NCKAP5: variants seen among roughly 807,000 people sequenced by gnomAD.
The protein encoded by NCKAP5 is NCK associated protein 5, also known as nck-associated protein 5.
In NCKAP5, 92 loss-of-function variants were observed where a neutral mutation model predicts 167.0. The observed-to-expected ratio is 0.55, with a 90% CI of 0.47 to 0.66. NCKAP5 has a LOEUF of 0.66. NCKAP5 is among the 30% of genes least tolerant of loss of function. The pLI, the probability that NCKAP5 is intolerant of heterozygous loss-of-function variation, is 0.00. For missense variants in NCKAP5, 2,378 were observed against 2,315.0 expected (o/e 1.03, Z -0.56); for synonymous variants, 891 against 877.4 (o/e 1.02, Z -0.27).
At position 133,218,433 on chromosome 2, in the gene NCKAP5, T is replaced by C. The variant is rs1006630381; in HGVS notation, c.144-4654A>G. ...TAAGACTTCTAGAAAACTCCACTCA[T>C]GGAAGCTGAGTGGAAAAGGCAAATA... On this transcript the variant is annotated intron_variant, in intron 4 of 19. Coordinates refer to ENST00000409261, the MANE Select transcript of NCKAP5 (RefSeq NM_207363.3). 7.9e-5 allele frequency among the ~76,000 whole-genome samples: 12 copies of C among 152,160 alleles called. 1 individual carries two copies. The highest frequency in any genetic ancestry group is 2.7e-4 in the African/African-American group (11 of 41,440).
At chr2:132,896,385 C>G (rs1189913564) in intron 8 of NCKAP5, among the ~76,000 whole-genome samples, 2 of 152,200 alleles carry the variant, frequency 1.3e-5, no homozygotes, top group African/African-American at 4.8e-5. Context: ...CTAACAGATT[C>G]ATACACCACC....
At chr2:132,984,024 A>G (rs1441459451) in intron 7 of NCKAP5, among the ~76,000 whole-genome samples, 1 of 152,212 alleles carries the variant, frequency 6.6e-6, no homozygotes, top group Admixed American at 6.5e-5. Context: ...TTGGAGGCTG[A>G]GGCAGCAGGA....
chr2:133,588,487 C>G, the NCKAP5 span, among the ~76,000 whole-genome samples: 20 of 150,728 alleles, frequency 1.3e-4, 1 homozygote, highest in Admixed American at 6.6e-5. Context: ...CCTTCCCTCC[C>G]TCCCTCTCTT....
At chr2:133,081,943 G>T (rs188980936) in intron 6 of NCKAP5, among the ~76,000 whole-genome samples, 13 of 152,240 alleles carry the variant, frequency 8.5e-5, no homozygotes, top group Non-Finnish European at 1.6e-4. Flanking sequence ...TAGATAAACT[G>T]AATGTCACAG....
chr2:133,379,653 C>T (rs1215160491), intron 3 of NCKAP5, among the ~76,000 whole-genome samples: 1 of 152,142 alleles, frequency 6.6e-6, no homozygotes, highest in Non-Finnish European at 1.5e-5. Context: ...GTTCCTGGTA[C>T]AGACAGGTGC....
chr2:132,708,541 A>G (rs1688565741), intron 19 of NCKAP5, among the ~76,000 whole-genome samples: 1 of 152,092 alleles, frequency 6.6e-6, no homozygotes, highest in African/African-American at 2.4e-5. Context: ...CCACAGTAGA[A>G]GAGAGCACCA....
chr2:132,756,690 C>G (rs1680584604), intron 16 of NCKAP5, among the ~76,000 whole-genome samples: 1 of 151,984 alleles, frequency 6.6e-6, no homozygotes, highest in Non-Finnish European at 1.5e-5. Flanking sequence ...ACTTTGAGAC[C>G]AGGAAAACAT....
At chr2:133,428,640 C>T (rs914724352) in intron 3 of NCKAP5, among the ~76,000 whole-genome samples, 3 of 152,050 alleles carry the variant, frequency 2.0e-5, no homozygotes, top group East Asian at 1.9e-4. Context: ...TAACTCATCA[C>T]GTGTTTACAC....
chr2:132,837,558 A>AT (rs113122061), intron 11 of NCKAP5, among the ~76,000 whole-genome samples: 21,256 of 148,446 alleles, frequency 0.14, 2,157 homozygotes, highest in African/African-American at 0.28. Context: ...GTATAGTACA[A>AT]TTTTTTTTTT....
At chr2:133,470,127 C>A (rs1289159438) in intron 3 of NCKAP5, among the ~76,000 whole-genome samples, 1 of 152,048 alleles carries the variant, frequency 6.6e-6, no homozygotes, top group African/African-American at 2.4e-5. Context: ...CTGCTTTTTC[C>A]CCATCTTTGT....
chr2:132,880,151 G>A (rs905290817), intron 8 of NCKAP5, among the ~76,000 whole-genome samples: 2 of 152,198 alleles, frequency 1.3e-5, no homozygotes, highest in Admixed American at 6.5e-5. Flanking sequence ...GGGATTTGGG[G>A]TAGGTGCGAG....
rs72842496 is a variant in NCKAP5, at chr2:133,194,892, A to T, written c.207+18824T>A. Among the ~76,000 whole-genome samples the T allele has an allele frequency of 5.8e-3, 877 of 151,620 alleles. 3 individuals carry two copies. Among genetic ancestry groups the T allele is most frequent in the Non-Finnish European group, 0.011 (727 of 67,922 alleles). On this transcript the variant is annotated intron_variant, in intron 5 of 19. Coordinates refer to ENST00000409261, the MANE Select transcript of NCKAP5 (RefSeq NM_207363.3). ...TTGTTCATAGGTATATATGAAAAAA[A>T]TATTCTAGCTCCATTGAGTTAAAAT...
chr2:133,456,290 A>T (rs992868011), intron 3 of NCKAP5, among the ~76,000 whole-genome samples: 1 of 152,178 alleles, frequency 6.6e-6, no homozygotes, highest in Non-Finnish European at 1.5e-5. Flanking sequence ...TTATGATGTA[A>T]GTAGGAGGCA....
chr2:132,903,916 T>C (rs1218876878), intron 8 of NCKAP5, among the ~76,000 whole-genome samples: 2 of 152,218 alleles, frequency 1.3e-5, no homozygotes, highest in African/African-American at 2.4e-5. Context: ...AAAATATACA[T>C]TGTATATTAC....
chr2:133,385,772 T>C (rs1017737007), intron 3 of NCKAP5, among the ~76,000 whole-genome samples: 13 of 152,206 alleles, frequency 8.5e-5, no homozygotes, highest in Non-Finnish European at 1.6e-4. Flanking sequence ...TGGTTTAGTC[T>C]TGGGAGGGTG....
the NCKAP5 span, among the ~76,000 whole-genome samples, chr2:133,634,833 T>A: frequency 6.6e-6 from 1 of 152,074 alleles, no homozygotes; most frequent in Non-Finnish European, 1.5e-5. Flanking sequence ...GAAATTTGAA[T>A]TTGCTGGATG....
intron 2 of NCKAP5, chr2:133,558,025 A>G (rs1267761621): frequency 2.6e-5 from 4 of 152,262 alleles, no homozygotes; most frequent in Non-Finnish European, 5.9e-5. Flanking sequence ...TTCACTTTGC[A>G]GATGGGAACA....
At chr2:133,335,093 T>C (rs931794228) in intron 3 of NCKAP5, among the ~76,000 whole-genome samples, 2 of 152,164 alleles carry the variant, frequency 1.3e-5, no homozygotes, top group African/African-American at 4.8e-5. Flanking sequence ...TGGTGCAAGC[T>C]TGTTGTCATT....
intron 3 of NCKAP5, among the ~76,000 whole-genome samples, chr2:133,462,150 G>T (rs1001677068): frequency 1.3e-5 from 2 of 152,124 alleles, no homozygotes; most frequent in African/African-American, 4.8e-5. Flanking sequence ...TTCTGCTTGG[G>T]CCTTATAGGC....
Sources: allele counts gnomAD v4.1 joint callset (sites outside exome capture counted in the v4.1 genomes callset), GRCh38; gene constraint gnomAD v4.1.1; transcripts MANE v1.5; gene names NCBI Gene and HGNC (gene_info 2026-07-23, HGNC 2026-07-21).